ACYP1: variants seen among roughly 807,000 people sequenced by gnomAD.
ACYP1 encodes acylphosphatase 1.
In ACYP1, 8 loss-of-function variants were observed where a neutral mutation model predicts 10.4. The ratio of observed to expected loss-of-function variants is 0.77; its 90% CI spans 0.45 to 1.38. The LOEUF is 1.38. Ranked by LOEUF, ACYP1 falls within the 40% of genes most tolerant of loss-of-function variation. The pLI is 0.00. For missense variants in ACYP1, 93 were observed against 117.3 expected (o/e 0.79, Z 0.96); for synonymous variants, 38 against 40.8 (o/e 0.93, Z 0.26).
intron 2 of ACYP1, among the ~76,000 whole-genome samples, chr14:75,058,985 G>A (rs904274098): frequency 4.0e-5 from 6 of 148,662 alleles, no homozygotes; most frequent in Admixed American, 6.7e-5. Flanking sequence ...GGATCACGAG[G>A]TCAGGAGTTC....
upstream of ACYP1, among the ~76,000 whole-genome samples, chr14:75,066,808 C>T (rs767089492): frequency 2.6e-5 from 4 of 151,986 alleles, no homozygotes; most frequent in African/African-American, 4.8e-5. Flanking sequence ...GCTGAGATCG[C>T]GCCACTCCAC....
chr14:75,068,144 A>AG (rs1276967349), upstream of ACYP1, among the ~76,000 whole-genome samples: 1 of 150,608 alleles, frequency 6.6e-6, no homozygotes, highest in Non-Finnish European at 1.5e-5. Flanking sequence ...ACAAAAAATT[A>AG]GCCAGGTGTA....
intron 2 of ACYP1, among the ~76,000 whole-genome samples, chr14:75,054,974 G>A (rs928227097): frequency 6.6e-6 from 1 of 150,600 alleles, no homozygotes; most frequent in African/African-American, 2.5e-5. Flanking sequence ...CAGTTCTTAA[G>A]AGTTATCTTA....
intron 2 of ACYP1, among the ~76,000 whole-genome samples, chr14:75,057,746 A>G (rs574349905): frequency 6.7e-6 from 1 of 150,358 alleles, no homozygotes; most frequent in South Asian, 2.1e-4. Context: ...AGGTGGGGGG[A>G]TCATGAGGTC....
chr14:75,056,277 G>A (rs1377058865), intron 2 of ACYP1, among the ~76,000 whole-genome samples: 2 of 151,082 alleles, frequency 1.3e-5, no homozygotes, highest in African/African-American at 2.5e-5. Context: ...AAAAAAAGAA[G>A]AGGAAACACT....
chr14:75,064,412 T>C (rs1893108111), upstream of ACYP1: 1 of 152,250 alleles, frequency 6.6e-6, no homozygotes, highest in Non-Finnish European at 1.5e-5. Flanking sequence ...AGGATCCCTG[T>C]CCTGAGGAGC....
rs559347847 is a variant in ACYP1, at chr14:75,062,743, C to T, written c.84+727G>A. Reference sequence around the variant, plus strand: ...AGCGACACACTGGGAAGGCAATAGCCAATACCTACAGAAGGCAGAGGGTAA... The same window carrying T: ...AGCGACACACTGGGAAGGCAATAGCTAATACCTACAGAAGGCAGAGGGTAA... On this transcript the variant is annotated intron_variant, in intron 2 of 2. Coordinates refer to ENST00000238618, the MANE Select transcript of ACYP1 (RefSeq NM_001107.5). Among the ~76,000 whole-genome samples the T allele has an allele frequency of 2.6e-5, 4 of 151,560 alleles. No homozygotes were observed. The South Asian group carries it at 8.4e-4, about 32-fold the overall frequency.
At chr14:75,054,640 A>G (rs1485382313) in intron 2 of ACYP1, among the ~76,000 whole-genome samples, 3 of 151,620 alleles carry the variant, frequency 2.0e-5, no homozygotes, top group Non-Finnish European at 4.4e-5. Context: ...TTGGCCAAAG[A>G]AAACGTTATG....
At chr14:75,062,128 A>C (rs1169977906) in intron 2 of ACYP1, among the ~76,000 whole-genome samples, 21 of 150,088 alleles carry the variant, frequency 1.4e-4, no homozygotes, top group Middle Eastern at 3.5e-3. Context: ...AAAAAAAGAA[A>C]AGAAAAGAAA....
At chr14:75,063,433 A>T in intron 2 of ACYP1, 37 bp downstream of exon 2, 1 of 1,565,396 alleles carries the variant, frequency 6.4e-7, no homozygotes, top group Non-Finnish European at 8.8e-7. Flanking sequence ...TATGCCCACA[A>T]CCTAGGTTAC....
At position 75,053,280 on chromosome 14, in the gene ACYP1, A is replaced by G; in HGVS notation, c.*164T>C. On this transcript the variant is annotated 3_prime_UTR_variant, in exon 3 of 3. Coordinates refer to ENST00000238618, the MANE Select transcript of ACYP1 (RefSeq NM_001107.5). Reference sequence around the variant, plus strand: ...GTTTTTATTGATTAGATTTGTGTACAGTGGTAATCCTTCCATCATACAGGT... The same window carrying G: ...GTTTTTATTGATTAGATTTGTGTACGGTGGTAATCCTTCCATCATACAGGT... The G allele has an allele frequency of 1.5e-6, 1 of 648,878 alleles. No individual in the cohort carries two copies. Among genetic ancestry groups the G allele is most frequent in the Non-Finnish European group, 2.6e-6 (1 of 380,182 alleles). The allele number at this position is 648,878 out of a possible 1,614,324, so 40.2% of individuals were successfully genotyped here.
In ACYP1 at chr14:75,054,735, A is replaced by G. The variant is rs773500796; in HGVS notation, c.85-1076T>C. On this transcript the variant is annotated intron_variant, in intron 2 of 2. Coordinates refer to ENST00000238618, the MANE Select transcript of ACYP1 (RefSeq NM_001107.5). ...AAGCAAAGACATGTTTGCTTAATGA[A>G]CAAAACAGACTCCAGCCAAATAAAT... is the stretch of plus-strand genomic sequence containing the variant. 5.3e-5 allele frequency among the ~76,000 whole-genome samples: 8 copies of G among 151,656 alleles called. 1 individual carries two copies. The highest frequency in any genetic ancestry group is 1.0e-4 in the Non-Finnish European group (7 of 68,026).
intron 2 of ACYP1, among the ~76,000 whole-genome samples, chr14:75,057,985 A>AAAAAAAAAAAAT: frequency 6.8e-6 from 1 of 148,058 alleles, no homozygotes; most frequent in Non-Finnish European, 1.5e-5. Context: ...AAAAAAAAAA[A>AAAAAAAAAAAAT]AAAGAACTAC....
chr14:75,054,008 T>C (rs749042072), intron 2 of ACYP1, among the ~76,000 whole-genome samples: 1 of 152,204 alleles, frequency 6.6e-6, no homozygotes, highest in Non-Finnish European at 1.5e-5. Context: ...TCTTGCTCAT[T>C]TTCCCTTCCC....
rs1009511008 is a variant in ACYP1, at chr14:75,058,687, T to C, written c.84+4783A>G. ...AGACATATAGATGAATGGAATAGTATTGAGAGTCCAGAAATAAATCCTTAC... is the reference window on the plus strand; with the variant it reads ...AGACATATAGATGAATGGAATAGTACTGAGAGTCCAGAAATAAATCCTTAC... On this transcript the variant is annotated intron_variant, in intron 2 of 2. Transcript: ENST00000238618. Among the ~76,000 whole-genome samples the C allele has an allele frequency of 1.5e-4, 22 of 151,416 alleles. 1 individual carries two copies. Among genetic ancestry groups the C allele is most frequent in the African/African-American group, 5.4e-4 (22 of 40,886 alleles).
At position 75,064,001 on chromosome 14, in the gene ACYP1, C is replaced by G. The variant is rs1213036553; in HGVS notation, c.-56G>C. ...TGCCAGGATCACTCCGGGACCACCA[C>G]GCCAACGGCTCACCAAGGCGCGCAA... On this transcript the variant is annotated 5_prime_UTR_variant, in exon 1 of 3. Transcript: ENST00000238618. The G allele has an allele frequency of 2.0e-6, 2 of 989,794 alleles. No individual in the cohort carries two copies. The highest frequency in any genetic ancestry group is 2.4e-6 in the Non-Finnish European group (2 of 832,284). 61.3% of individuals were successfully genotyped at this position (989,794 alleles called of 1,614,324 possible).
chr14:75,068,111 G>T (rs951521067), upstream of ACYP1, among the ~76,000 whole-genome samples: 4 of 151,958 alleles, frequency 2.6e-5, no homozygotes, highest in African/African-American at 9.7e-5. Context: ...CCAACATGGT[G>T]AAACTCTGTC....
chr14:75,057,646 T>C (rs1172748583), intron 2 of ACYP1, among the ~76,000 whole-genome samples: 2 of 151,306 alleles, frequency 1.3e-5, no homozygotes, highest in African/African-American at 2.5e-5. Context: ...ATAAGGATAG[T>C]GGCTTAGACC....
At chr14:75,056,316 A>C (rs1892876814) in intron 2 of ACYP1, among the ~76,000 whole-genome samples, 3 of 151,670 alleles carry the variant, frequency 2.0e-5, no homozygotes, top group African/African-American at 7.3e-5. Flanking sequence ...AGCCAGCATT[A>C]TCCTCATACT....
Sources: gnomAD v4.1 joint callset for allele counts (sites outside exome capture counted in the v4.1 genomes callset) on GRCh38, gnomAD v4.1.1 for gene constraint, MANE v1.5 for transcripts, NCBI Gene and HGNC (gene_info 2026-07-23, HGNC 2026-07-21) for gene names.